FGF1: variants seen among roughly 807,000 people sequenced by gnomAD.
FGF1 encodes the protein beta-endothelial cell growth factor.
In FGF1, 9 loss-of-function variants were observed where a neutral mutation model predicts 13.4. The observed-to-expected ratio is 0.67, with a 90% confidence interval of 0.40 to 1.17. The LOEUF is 1.17. Ranked by LOEUF, FGF1 falls within the 50% of genes most tolerant of loss-of-function variation. The probability of loss-of-function intolerance (pLI) is 0.01; values close to 1 mark genes in which losing one functional copy is unlikely to be tolerated. For synonymous variants in FGF1, 93 were observed against 79.0 expected (o/e 1.18, Z -0.94); for missense variants, 156 against 192.7 (o/e 0.81, Z 1.13).
intron 1 of FGF1, among the ~76,000 whole-genome samples, chr5:142,615,895 A>C (rs1597134678): frequency 6.6e-6 from 1 of 152,200 alleles, no homozygotes; most frequent in Non-Finnish European, 1.5e-5. Context: ...TGACATGTAC[A>C]TCTGCCACCA....
At position 142,630,133 on chromosome 5, in the gene FGF1, C is replaced by T. The variant is rs543659276; in HGVS notation, c.-34-15972G>A. Among the ~76,000 whole-genome samples the T allele has an allele frequency of 1.1e-4, 16 of 152,200 alleles. No individual in the cohort carries two copies. In the South Asian group the frequency reaches 2.7e-3, roughly 26 times the overall value. ...GGTCTCGATCTCCTGATCTCGTGAT[C>T]TGCCCACCTCGGCCTCCCAAAGTGC... is the stretch of plus-strand genomic sequence containing the variant. On this transcript the variant is annotated intron_variant, in intron 1 of 3. Coordinates refer to ENST00000337706, the MANE Select transcript of FGF1 (RefSeq NM_000800.5).
At chr5:142,666,181 G>GGT (rs1561709276) in intron 1 of FGF1, among the ~76,000 whole-genome samples, 2 of 148,648 alleles carry the variant, frequency 1.3e-5, no homozygotes, top group African/African-American at 5.0e-5. Flanking sequence ...TTATATTAGG[G>GGT]TGAAATCTGT....
At chr5:142,640,873 A>G (rs12523052) in intron 1 of FGF1, among the ~76,000 whole-genome samples, 46,476 of 151,380 alleles carry the variant, frequency 0.31, 8,593 homozygotes, top group Non-Finnish European at 0.42. Context: ...GGAATCTTCA[A>G]CTCCTCGAAG....
rs908788379 is a variant in FGF1 at position 142,658,620 on chromosome 5, G to A, written c.-35+27337C>T. On this transcript the variant is annotated intron_variant, in intron 1 of 3. Coordinates refer to ENST00000337706, the MANE Select transcript of FGF1 (RefSeq NM_000800.5). ...CTTCACAGGCAGCAGACACACACAC[G>A]CACACACTCACGAGTTAAAGGACAA... Among the ~76,000 whole-genome samples the A allele has an allele frequency of 3.3e-5, 5 of 152,130 alleles. No individual in the cohort carries two copies. In the South Asian group the frequency reaches 1.0e-3, roughly 32 times the overall value.
intron 1 of FGF1, among the ~76,000 whole-genome samples, chr5:142,663,926 A>T (rs749609603): frequency 6.6e-6 from 1 of 152,168 alleles, no homozygotes; most frequent in Non-Finnish European, 1.5e-5. Flanking sequence ...GTCAGGGATG[A>T]TGCTTCCAAA....
chr5:142,688,627 T>G (rs1428154925), upstream of FGF1, among the ~76,000 whole-genome samples: 3 of 152,208 alleles, frequency 2.0e-5, no homozygotes, highest in Non-Finnish European at 4.4e-5. Context: ...TCTGCCCTGA[T>G]AAAACCTTGT....
chr5:142,613,706 C>T (rs562000242), intron 2 of FGF1, among the ~76,000 whole-genome samples: 130 of 152,338 alleles, frequency 8.5e-4, no homozygotes, highest in African/African-American at 3.0e-3. Context: ...ACCGGCAGCC[C>T]GTTCTGTTGG....
intron 2 of FGF1, among the ~76,000 whole-genome samples, chr5:142,611,755 C>T (rs1759105614): frequency 6.6e-6 from 1 of 152,188 alleles, no homozygotes; most frequent in Non-Finnish European, 1.5e-5. Context: ...CACACAACAA[C>T]TCCGAGTGTT....
intron 1 of FGF1, among the ~76,000 whole-genome samples, chr5:142,623,748 T>A (rs1289014723): frequency 1.5e-4 from 22 of 148,658 alleles, no homozygotes; most frequent in Non-Finnish European, 2.8e-4. Context: ...TTAAAAAAAT[T>A]TTTTTTTTTT....
At chr5:142,697,722 GAGGA>G (rs1482586098) in intron 1 of FGF1, 6 of 152,330 alleles carry the variant, frequency 3.9e-5, no homozygotes, top group Non-Finnish European at 7.3e-5. Context: ...GCTGCTGCAG[GAGGA>G]AGGGAGTTCC....
rs750269415 is a variant in FGF1, at chr5:142,600,824, G to A, written c.170-19C>T. ...AGCTGAACTGGAATAAAAATAACAC[G>A]AGCAAAAGTAAATAAACACTACGCT... On this transcript the variant is annotated intron_variant, in intron 2 of 3. Transcript: ENST00000337706. 1.3e-5 allele frequency: 20 copies of A among 1,572,698 alleles called. 1 individual carries two copies. In the South Asian group the frequency reaches 1.9e-4, roughly 15 times the overall value.
chr5:142,684,355 A>T (rs1009690186), intron 1 of FGF1, among the ~76,000 whole-genome samples: 8 of 152,248 alleles, frequency 5.3e-5, no homozygotes, highest in African/African-American at 1.9e-4. Context: ...TTGCAGAACT[A>T]GTCAAGTCAT....
intron 1 of FGF1, among the ~76,000 whole-genome samples, chr5:142,623,329 C>A (rs1443399267): frequency 1.3e-5 from 2 of 150,338 alleles, no homozygotes; most frequent in African/African-American, 4.9e-5. Flanking sequence ...CTATCACCAG[C>A]TGTGTACCCT....
At chr5:142,691,182 A>T (rs977737002) in intron 2 of FGF1, among the ~76,000 whole-genome samples, 12 of 152,102 alleles carry the variant, frequency 7.9e-5, no homozygotes, top group Middle Eastern at 3.2e-3. Flanking sequence ...GCACTTTGGG[A>T]GGCCGACGCG....
chr5:142,666,782 T>C (rs897824389), intron 1 of FGF1, among the ~76,000 whole-genome samples: 6 of 150,958 alleles, frequency 4.0e-5, no homozygotes, highest in African/African-American at 1.5e-4. Flanking sequence ...TACATTTTTT[T>C]TTTAATTAGG....
rs173646 is a variant in FGF1 at position 142,659,353 on chromosome 5, C to G, written c.-35+26604G>C. Among the ~76,000 whole-genome samples the G allele has an allele frequency of 7.9e-3, 1,196 of 151,654 alleles. 11 individuals are homozygous for G. The highest frequency in any genetic ancestry group is 9.8e-3 in the Non-Finnish European group (662 of 67,878). On this transcript the variant is annotated intron_variant, in intron 1 of 3. Transcript: ENST00000337706. ...AAGCGATTCTCCTGCCTCAGCCTCC[C>G]GAGTAGCTGGGATTACAGGCACCCA... is the stretch of plus-strand genomic sequence containing the variant.
intron 2 of FGF1, among the ~76,000 whole-genome samples, chr5:142,612,103 T>C (rs565148243): frequency 6.6e-6 from 1 of 152,318 alleles, no homozygotes; most frequent in South Asian, 2.1e-4. Flanking sequence ...TGGAAAATAA[T>C]CTGGCATTCC....
intron 1 of FGF1, among the ~76,000 whole-genome samples, chr5:142,665,435 C>T (rs1384652155): frequency 6.6e-6 from 1 of 152,126 alleles, no homozygotes; most frequent in Non-Finnish European, 1.5e-5. Flanking sequence ...GCTCACTCCT[C>T]CTTGGAAAAG....
In FGF1 at chr5:142,600,720, G is replaced by A. The variant is rs368446433; in HGVS notation, c.255C>T (p.Asp85=). ...TACTTACTGAGCCGTATAAAAGCCC[G>A]TCGGTGTCCATGGCCAAGTACTGGC... ...ETGQYLAMDT[D]GLLYGSQTPN... is the part of the protein sequence containing the mutation. The change falls in exon 3 of 4, where the codon GAC becomes GAT. Residue 85 remains aspartate (D), a synonymous_variant. Coordinates refer to ENST00000337706, the MANE Select transcript of FGF1 (RefSeq NM_000800.5). 1.9e-5 allele frequency: 30 copies of A among 1,612,620 alleles called. No individual in the cohort carries two copies. The highest frequency in any genetic ancestry group is 9.4e-5 in the African/African-American group (7 of 74,856).
Sources: gnomAD v4.1 joint callset for allele counts (sites outside exome capture counted in the v4.1 genomes callset) on GRCh38, gnomAD v4.1.1 for gene constraint, MANE v1.5 for transcripts, NCBI Gene and HGNC (gene_info 2026-07-23, HGNC 2026-07-21) for gene names.